KHDRBS2: variants seen among roughly 807,000 people sequenced by gnomAD.
KHDRBS2 encodes the protein KH RNA binding domain containing, signal transduction associated 2.
KHDRBS2 carries 26 observed loss-of-function variants against 44.3 expected under a neutral mutation model. That is an observed-to-expected ratio of 0.59 (90% confidence interval 0.43 to 0.81). The LOEUF (loss-of-function observed/expected upper bound fraction) is 0.81, where lower values mean the gene tolerates loss of function less well. Ranked by LOEUF, KHDRBS2 falls within the 40% of genes least tolerant of loss-of-function variation. KHDRBS2 has a pLI of 0.00. For missense variants in KHDRBS2, 476 were observed against 433.1 expected, an observed-to-expected ratio of 1.10 and a Z score of -0.88; for synonymous variants, 194 against 151.1, an observed-to-expected ratio of 1.28 and a Z score of -2.08.
rs1562509371 is a variant in KHDRBS2, at chr6:61,954,371, GTATGTATGCATGCATA to G, written c.483+23679_483+23694del. On this transcript the variant is annotated intron_variant, in intron 4 of 8. Transcript: ENST00000281156. ...TACATATGTATGCATACATATATACGTATGTATGCATGCATACATATATACGTATGTATGCATGCAT... is the reference window on the plus strand; with the variant it reads ...TACATATGTATGCATACATATATACGCATATATACGTATGTATGCATGCAT... 1.4e-4 allele frequency among the ~76,000 whole-genome samples: 7 copies of G among 49,480 alleles called. 1 individual carries two copies. Among genetic ancestry groups the G allele is most frequent in the Non-Finnish European group, 2.4e-4 (4 of 16,896 alleles). The allele number at this position is 49,480 out of a possible 152,430, so 32.5% of individuals were successfully genotyped here.
the KHDRBS2 span, among the ~76,000 whole-genome samples, chr6:61,606,783 T>C: frequency 6.6e-6 from 1 of 152,202 alleles, no homozygotes; most frequent in African/African-American, 2.4e-5. Context: ...GGCCTGGCAG[T>C]TTGTTTTTCT....
intron 2 of KHDRBS2, among the ~76,000 whole-genome samples, chr6:62,052,426 A>G (rs1369482570): frequency 3.3e-5 from 5 of 151,878 alleles, no homozygotes; most frequent in Non-Finnish European, 7.4e-5. Context: ...GAAAAAAAAT[A>G]CCAAGAAAAT....
At chr6:61,606,596 G>A in the KHDRBS2 span, among the ~76,000 whole-genome samples, 2 of 152,228 alleles carry the variant, frequency 1.3e-5, no homozygotes, top group East Asian at 1.9e-4. Context: ...GTAAGAATGG[G>A]GGCTTAGAGC....
chr6:62,097,748 ACTG>A (rs1382607430), intron 2 of KHDRBS2, among the ~76,000 whole-genome samples: 1 of 152,058 alleles, frequency 6.6e-6, no homozygotes, highest in Non-Finnish European at 1.5e-5. Context: ...AGGCCTTACT[ACTG>A]CTATTTTGTT....
At position 62,154,458 on chromosome 6, in the gene KHDRBS2, T is replaced by C. The variant is rs62415606; in HGVS notation, c.219+22727A>G. 4.5e-3 allele frequency among the ~76,000 whole-genome samples: 685 copies of C among 152,278 alleles called. 1 individual carries two copies. Among genetic ancestry groups the C allele is most frequent in the Non-Finnish European group, 7.1e-3 (481 of 68,030 alleles). ...CTTGAAGATATCAAATTTTAATTTA[T>C]AAAAATAGTAAGTAATATAAGACCT... On this transcript the variant is annotated intron_variant, in intron 2 of 8. Coordinates refer to ENST00000281156, the MANE Select transcript of KHDRBS2 (RefSeq NM_152688.4).
At chr6:61,893,605 T>C (rs1802392553) in intron 6 of KHDRBS2, among the ~76,000 whole-genome samples, 2 of 152,098 alleles carry the variant, frequency 1.3e-5, no homozygotes, top group African/African-American at 4.8e-5. Context: ...TGTAGGGACA[T>C]GGATGAAGCT....
chr6:62,004,304 A>G (rs1778815826), intron 3 of KHDRBS2, among the ~76,000 whole-genome samples: 1 of 152,150 alleles, frequency 6.6e-6, no homozygotes, highest in Non-Finnish European at 1.5e-5. Flanking sequence ...GACGCAACAA[A>G]AAATGATAAA....
intron 6 of KHDRBS2, among the ~76,000 whole-genome samples, chr6:61,858,815 C>G (rs2127293258): frequency 6.6e-6 from 1 of 151,904 alleles, no homozygotes; most frequent in African/African-American, 2.4e-5. Context: ...TATATAATAG[C>G]TAGTTTGTAC....
chr6:62,189,438 A>G (rs1344098630), intron 1 of KHDRBS2, among the ~76,000 whole-genome samples: 5 of 152,114 alleles, frequency 3.3e-5, no homozygotes, highest in Non-Finnish European at 7.4e-5. Context: ...AACTATGGAA[A>G]CAGCCAGATA....
chr6:61,985,496 G>A (rs768912787), intron 3 of KHDRBS2, among the ~76,000 whole-genome samples: 14 of 152,056 alleles, frequency 9.2e-5, no homozygotes, highest in East Asian at 1.9e-4. Context: ...CAGTTACTTC[G>A]TACGCAAAAG....
intron 2 of KHDRBS2, among the ~76,000 whole-genome samples, chr6:62,129,776 G>A (rs1809843240): frequency 6.6e-6 from 1 of 152,006 alleles, no homozygotes; most frequent in African/African-American, 2.4e-5. Flanking sequence ...TGTGGCTAGT[G>A]ACTACTGTAT....
the KHDRBS2 span, among the ~76,000 whole-genome samples, chr6:61,569,961 T>C: frequency 3.0e-4 from 45 of 152,022 alleles, no homozygotes; most frequent in Non-Finnish European, 1.8e-4. Context: ...ACTGAAATAG[T>C]CTACCCAAAT....
At chr6:61,935,308 C>A (rs1228943771) in intron 4 of KHDRBS2, among the ~76,000 whole-genome samples, 1 of 152,036 alleles carries the variant, frequency 6.6e-6, no homozygotes, top group Non-Finnish European at 1.5e-5. Context: ...TTCCCCTGAC[C>A]ATTGCCAGTA....
At chr6:61,821,891 C>T in intron 6 of KHDRBS2, among the ~76,000 whole-genome samples, 1 of 151,932 alleles carries the variant, frequency 6.6e-6, no homozygotes, top group Middle Eastern at 3.2e-3. Context: ...AGGCTTGAAC[C>T]TACTAGTATG....
chr6:61,874,368 A>T (rs547284669), intron 6 of KHDRBS2, among the ~76,000 whole-genome samples: 90 of 152,298 alleles, frequency 5.9e-4, no homozygotes, highest in African/African-American at 2.1e-3. Context: ...TGCTGATTAA[A>T]CAGAATAGCT....
intron 3 of KHDRBS2, among the ~76,000 whole-genome samples, chr6:62,005,891 T>C (rs916358716): frequency 2.0e-5 from 3 of 151,890 alleles, no homozygotes; most frequent in African/African-American, 7.2e-5. Flanking sequence ...CTTGAGATAA[T>C]ACACAGTTTA....
intron 4 of KHDRBS2, among the ~76,000 whole-genome samples, chr6:61,960,165 T>G (rs750688759): frequency 6.6e-6 from 1 of 152,070 alleles, no homozygotes; most frequent in African/African-American, 2.4e-5. Flanking sequence ...AAACCCCCTA[T>G]TAATGTATTT....
intron 6 of KHDRBS2, among the ~76,000 whole-genome samples, chr6:61,747,856 C>G (rs1489744069): frequency 6.6e-6 from 1 of 151,970 alleles, no homozygotes; most frequent in Non-Finnish European, 1.5e-5. Context: ...TTTTATTTTC[C>G]CAGAATGTTG....
At chr6:61,849,931 C>A (rs972799252) in intron 6 of KHDRBS2, among the ~76,000 whole-genome samples, 5 of 152,104 alleles carry the variant, frequency 3.3e-5, no homozygotes, top group African/African-American at 1.2e-4. Context: ...AATTAATTTA[C>A]TAGCATCTCA....
Sources: allele counts gnomAD v4.1 joint callset (sites outside exome capture counted in the v4.1 genomes callset), GRCh38; gene constraint gnomAD v4.1.1; transcripts MANE v1.5; gene names NCBI Gene and HGNC (gene_info 2026-07-23, HGNC 2026-07-21).